Variants in NME7 observed in about 807,000 individuals in gnomAD.
The protein encoded by NME7 is nucleoside diphosphate kinase 7.
In NME7, 41 loss-of-function variants were observed where a neutral mutation model predicts 49.1. The observed-to-expected ratio is 0.83, with a 90% CI of 0.65 to 1.08. NME7 has a LOEUF of 1.08. Among genes scored for constraint, NME7 ranks in the 50% least tolerant of loss-of-function variants. The pLI, the probability that NME7 is intolerant of heterozygous loss-of-function variation, is 0.00. For missense variants in NME7, 423 were observed against 463.4 expected (o/e 0.91, Z 0.80); for synonymous variants, 139 against 150.6 (o/e 0.92, Z 0.56).
intron 7 of NME7, among the ~76,000 whole-genome samples, chr1:169,275,031 G>T (rs1484686884): frequency 7.6e-6 from 1 of 132,350 alleles, no homozygotes; most frequent in Non-Finnish European, 1.8e-5. Context: ...GATGGGGATG[G>T]CATTGAATCT....
intron 11 of NME7, among the ~76,000 whole-genome samples, chr1:169,147,193 A>G (rs953460578): frequency 3.3e-5 from 5 of 152,234 alleles, no homozygotes; most frequent in Admixed American, 2.0e-4. Context: ...GTGAATAAAA[A>G]TATCAGTTAA....
Position 169,323,174 on chromosome 1 carries a change from A to G in NME7, c.221T>C (p.Val74Ala), listed in dbSNP as rs1651920396. ...ATATTGATCCCCATAGTCAATTAAT[A>G]CCAGTTGTCGAGAAAAGACATTCAC... is the stretch of plus-strand genomic sequence containing the variant. Reference protein sequence around the residue: ...NKVNVFSRQLVLIDYGDQYTA... With the variant: ...NKVNVFSRQLALIDYGDQYTA... Residue 74 changes from valine to alanine, a missense_variant, in exon 3 of 12, where the codon GTA becomes GCA. Coordinates refer to ENST00000367811, the MANE Select transcript of NME7 (RefSeq NM_013330.5). The G allele has an allele frequency of 6.2e-7, 1 of 1,609,564 alleles. No individual in the cohort carries two copies.
intron 7 of NME7, among the ~76,000 whole-genome samples, chr1:169,251,752 T>A (rs1363508493): frequency 7.5e-6 from 1 of 134,086 alleles, no homozygotes; most frequent in African/African-American, 2.8e-5. Context: ...GATATTCCCC[T>A]TCCTGTGTCC....
intron 1 of NME7, among the ~76,000 whole-genome samples, chr1:169,348,933 T>C (rs1224928753): frequency 6.6e-6 from 1 of 150,768 alleles, no homozygotes; most frequent in Non-Finnish European, 1.5e-5. Flanking sequence ...TGACCCTAAG[T>C]AGTAGGCTAG....
At chr1:169,326,590 T>C (rs1409718306) in intron 1 of NME7, among the ~76,000 whole-genome samples, 1 of 152,180 alleles carries the variant, frequency 6.6e-6, no homozygotes, top group Non-Finnish European at 1.5e-5. Context: ...CCTGTGCTTG[T>C]TCAGTAGAGC....
intron 7 of NME7, among the ~76,000 whole-genome samples, chr1:169,264,170 C>T (rs1649247299): frequency 7.5e-6 from 1 of 134,026 alleles, no homozygotes; most frequent in South Asian, 2.3e-4. Context: ...ACAAGTGATA[C>T]TATGAAGCAA....
At chr1:169,273,530 A>G (rs1263658741) in intron 7 of NME7, among the ~76,000 whole-genome samples, 127 of 124,282 alleles carry the variant, frequency 1.0e-3, no homozygotes, top group Non-Finnish European at 1.5e-3. Context: ...TTACATATGT[A>G]TACATGTGCC....
intron 6 of NME7, 36 bp downstream of exon 6, chr1:169,298,520 C>G: frequency 3.1e-6 from 5 of 1,593,368 alleles, no homozygotes; most frequent in Non-Finnish European, 4.3e-6. Flanking sequence ...TTTAACAGAA[C>G]TAGAAGAGCA....
intron 10 of NME7, among the ~76,000 whole-genome samples, chr1:169,227,951 T>C (rs1226160193): frequency 6.6e-6 from 1 of 151,890 alleles, no homozygotes; most frequent in Non-Finnish European, 1.5e-5. Flanking sequence ...CAGGCTAAGA[T>C]CTTTGAGGCT....
chr1:169,162,988 T>C (rs1462491022), intron 11 of NME7, among the ~76,000 whole-genome samples: 1 of 152,176 alleles, frequency 6.6e-6, no homozygotes, highest in Non-Finnish European at 1.5e-5. Context: ...AAAGTTTTGG[T>C]TGTTCCCGTA....
intron 7 of NME7, among the ~76,000 whole-genome samples, chr1:169,249,626 A>C (rs1648477194): frequency 6.6e-6 from 1 of 152,054 alleles, no homozygotes; most frequent in Non-Finnish European, 1.5e-5. Context: ...TCTGTCATAT[A>C]TGGCTTTCAT....
intron 10 of NME7, among the ~76,000 whole-genome samples, chr1:169,179,642 C>T (rs1005291979): frequency 1.1e-4 from 17 of 152,204 alleles, no homozygotes; most frequent in African/African-American, 3.6e-4. Context: ...GGAACAAGAT[C>T]ATGTCCATTG....
chr1:169,185,722 C>A (rs936331860), intron 10 of NME7, among the ~76,000 whole-genome samples: 3 of 152,148 alleles, frequency 2.0e-5, no homozygotes, highest in Non-Finnish European at 4.4e-5. Context: ...TCTGTAAGAG[C>A]ACAGATCAGA....
chr1:169,330,168 C>T (rs1275670218), intron 1 of NME7, among the ~76,000 whole-genome samples: 1 of 152,116 alleles, frequency 6.6e-6, no homozygotes, highest in African/African-American at 2.4e-5. Flanking sequence ...TCATCAACAC[C>T]AGACCTGTTC....
chr1:169,316,221 CA>C (rs150804701), intron 3 of NME7, among the ~76,000 whole-genome samples: 26,047 of 151,456 alleles, frequency 0.17, 2,458 homozygotes, highest in East Asian at 0.23. Flanking sequence ...AACATGCAGG[CA>C]AAAAAACTGA....
intron 7 of NME7, among the ~76,000 whole-genome samples, chr1:169,281,518 C>A (rs1182990360): frequency 6.6e-6 from 1 of 152,152 alleles, no homozygotes; most frequent in Non-Finnish European, 1.5e-5. Context: ...AGAGGGCATC[C>A]TTGTCTTGTG....
chr1:169,347,545 A>T (rs1652992166), intron 1 of NME7, among the ~76,000 whole-genome samples: 1 of 152,172 alleles, frequency 6.6e-6, no homozygotes, highest in Admixed American at 6.5e-5. Context: ...ACCCACCCTG[A>T]CATTTGTAGT....
chr1:169,363,245 AT>A (rs905729963), intron 1 of NME7, among the ~76,000 whole-genome samples: 6 of 152,102 alleles, frequency 3.9e-5, no homozygotes, highest in Non-Finnish European at 5.9e-5. Context: ...CTCAAAAAAA[AT>A]AAATAAATAA....
chr1:169,358,937 T>A (rs1213316709), intron 1 of NME7, among the ~76,000 whole-genome samples: 2 of 152,110 alleles, frequency 1.3e-5, no homozygotes, highest in South Asian at 4.1e-4. Context: ...GAAATAATTA[T>A]GGATGTCTAT....
Sources: allele counts gnomAD v4.1 joint callset (sites outside exome capture counted in the v4.1 genomes callset), GRCh38; gene constraint gnomAD v4.1.1; transcripts MANE v1.5; gene names NCBI Gene and HGNC (gene_info 2026-07-23, HGNC 2026-07-21).